AUTS2: variants seen among roughly 807,000 people sequenced by gnomAD.
AUTS2 encodes activator of transcription and developmental regulator AUTS2.
Under a neutral mutation model 112.4 loss-of-function variants are expected in AUTS2, and 17 were observed. That is an observed-to-expected ratio of 0.15 (90% CI 0.10 to 0.23). The LOEUF (loss-of-function observed/expected upper bound fraction) is 0.23, where lower values mean the gene tolerates loss of function less well. AUTS2 is among the 10% of genes least tolerant of loss of function. AUTS2 has a pLI of 1.00. For missense variants in AUTS2, 1,510 were observed against 1,701.6 expected, an observed-to-expected ratio of 0.89 and a Z score of 1.98; for synonymous variants, 751 against 702.7, an observed-to-expected ratio of 1.07 and a Z score of -1.09.
intron 4 of AUTS2, among the ~76,000 whole-genome samples, chr7:70,222,595 G>A (rs1485874294): frequency 6.6e-6 from 1 of 151,548 alleles, no homozygotes; most frequent in African/African-American, 2.4e-5. Context: ...CCTACAACTG[G>A]TAGAGTTTTT....
chr7:69,990,268 A>T (rs2129551391), intron 2 of AUTS2, among the ~76,000 whole-genome samples: 1 of 152,328 alleles, frequency 6.6e-6, no homozygotes, highest in South Asian at 2.1e-4. Context: ...AATATCAGCC[A>T]GTAGAAGTAT....
intron 1 of AUTS2, among the ~76,000 whole-genome samples, chr7:69,897,897 A>G (rs1340160022): frequency 6.6e-6 from 1 of 152,234 alleles, no homozygotes; most frequent in Non-Finnish European, 1.5e-5. Context: ...GGGATATTGC[A>G]GCAGAACAGT....
intron 4 of AUTS2, among the ~76,000 whole-genome samples, chr7:70,434,115 C>T (rs1213107910): frequency 6.6e-6 from 1 of 152,148 alleles, no homozygotes; most frequent in Non-Finnish European, 1.5e-5. Flanking sequence ...TGTTCAAAGG[C>T]CAAAGGCAGG....
intron 1 of AUTS2, among the ~76,000 whole-genome samples, chr7:69,626,283 T>TAGTA (rs1793941061): frequency 6.6e-6 from 1 of 152,220 alleles, no homozygotes; most frequent in Admixed American, 6.5e-5. Flanking sequence ...AGTAACAACA[T>TAGTA]ACCAGCTGTT....
At chr7:70,128,126 TA>T (rs1806076677) in intron 3 of AUTS2, among the ~76,000 whole-genome samples, 2 of 152,292 alleles carry the variant, frequency 1.3e-5, no homozygotes, top group Admixed American at 6.5e-5. Flanking sequence ...CCTCTCTTTT[TA>T]AAAAAATCTG....
chr7:70,750,915 A>AT (rs1384918119), intron 6 of AUTS2, among the ~76,000 whole-genome samples: 1 of 152,088 alleles, frequency 6.6e-6, no homozygotes, highest in Non-Finnish European at 1.5e-5. Flanking sequence ...TGGTAAAGTC[A>AT]TAAGTGTTGA....
intron 1 of AUTS2, among the ~76,000 whole-genome samples, chr7:69,792,251 T>C (rs1789643145): frequency 6.6e-6 from 1 of 151,894 alleles, no homozygotes; most frequent in Non-Finnish European, 1.5e-5. Context: ...TTGTTTTGTT[T>C]TTTTTTAAGA....
chr7:70,350,234 T>A (rs1023335107), intron 4 of AUTS2, among the ~76,000 whole-genome samples: 1 of 152,222 alleles, frequency 6.6e-6, no homozygotes, highest in Non-Finnish European at 1.5e-5. Context: ...TTTTTTTTTA[T>A]GGTATGAATT....
At chr7:70,246,998 A>G (rs957597371) in intron 4 of AUTS2, among the ~76,000 whole-genome samples, 2 of 151,986 alleles carry the variant, frequency 1.3e-5, no homozygotes, top group Non-Finnish European at 2.9e-5. Context: ...CCATGTTAGC[A>G]GCAGTTCTCG....
chr7:70,548,934 CAA>C (rs11357092), intron 5 of AUTS2, among the ~76,000 whole-genome samples: 1,029 of 102,620 alleles, frequency 0.01, 17 homozygotes, highest in African/African-American at 0.035. Flanking sequence ...ACCCCCCCCC[CAA>C]AAAAAAAAAA....
At chr7:70,081,932 A>G (rs1803335567) in intron 2 of AUTS2, among the ~76,000 whole-genome samples, 1 of 123,314 alleles carries the variant, frequency 8.1e-6, no homozygotes, top group Non-Finnish European at 1.7e-5. Context: ...TTTTTCTGTG[A>G]AGAGTGTGTG....
At chr7:70,768,873 A>ATT (rs1269555850) in intron 10 of AUTS2, among the ~76,000 whole-genome samples, 1 of 55,600 alleles carries the variant, frequency 1.8e-5, no homozygotes, top group Admixed American at 1.8e-4. Context: ...TTTGCCAGTG[A>ATT]TTTCTTTTTT....
intron 1 of AUTS2, among the ~76,000 whole-genome samples, chr7:69,655,340 T>C (rs1795477550): frequency 6.6e-6 from 1 of 152,166 alleles, no homozygotes; most frequent in South Asian, 2.1e-4. Flanking sequence ...TTGGGGCCTG[T>C]CATATTTTTT....
intron 1 of AUTS2, among the ~76,000 whole-genome samples, chr7:69,616,325 C>G (rs1793372272): frequency 6.6e-6 from 1 of 152,160 alleles, no homozygotes; most frequent in African/African-American, 2.4e-5. Flanking sequence ...CCAAATATTT[C>G]CTCCCTTGTA....
intron 2 of AUTS2, among the ~76,000 whole-genome samples, chr7:70,002,873 A>G (rs1799262117): frequency 6.6e-6 from 1 of 151,944 alleles, no homozygotes. Context: ...TTTAAAATCA[A>G]AATACCTAAA....
At chr7:70,156,018 T>C (rs1249275052) in intron 4 of AUTS2, among the ~76,000 whole-genome samples, 1 of 152,196 alleles carries the variant, frequency 6.6e-6, no homozygotes, top group Non-Finnish European at 1.5e-5. Flanking sequence ...TTTTGTCTGC[T>C]GACACGTGGG....
chr7:70,741,755 A>G (rs1159932136), intron 6 of AUTS2, among the ~76,000 whole-genome samples: 1 of 152,118 alleles, frequency 6.6e-6, no homozygotes, highest in Non-Finnish European at 1.5e-5. Flanking sequence ...ACCTTGTAAA[A>G]AGCCTGAAGT....
intron 2 of AUTS2, among the ~76,000 whole-genome samples, chr7:69,925,289 G>GT (rs547783215): frequency 5.0e-4 from 76 of 152,000 alleles, no homozygotes; most frequent in African/African-American, 1.7e-3. Context: ...GCTTACTTTA[G>GT]TTTTACTTTG....
chr7:69,703,500 T>C (rs1797915185), intron 1 of AUTS2, among the ~76,000 whole-genome samples: 1 of 152,208 alleles, frequency 6.6e-6, no homozygotes, highest in South Asian at 2.1e-4. Flanking sequence ...GAGAGAAATG[T>C]AAATGTTGTA....
Sources: gnomAD v4.1 joint callset for allele counts (sites outside exome capture counted in the v4.1 genomes callset) on GRCh38, gnomAD v4.1.1 for gene constraint, MANE v1.5 for transcripts, NCBI Gene and HGNC (gene_info 2026-07-23, HGNC 2026-07-21) for gene names.